Variants in GRIA4 observed in about 807,000 individuals in gnomAD.
GRIA4 encodes the protein glutamate receptor 4.
Under a neutral mutation model 104.0 loss-of-function variants are expected in GRIA4, and 34 were observed. The observed-to-expected ratio is 0.33, with a 90% confidence interval of 0.25 to 0.44. The LOEUF (loss-of-function observed/expected upper bound fraction) is 0.44, where lower values mean the gene tolerates loss of function less well. Among genes scored for constraint, GRIA4 ranks in the 20% least tolerant of loss-of-function variants. The probability of loss-of-function intolerance (pLI) is 1.00; values close to 1 mark genes in which losing one functional copy is unlikely to be tolerated. For synonymous variants in GRIA4, 386 were observed against 381.9 expected (o/e 1.01, Z -0.13); for missense variants, 750 against 1,096.5 (o/e 0.68, Z 4.46).
intron 10 of GRIA4, chr11:105,911,925 T>A: frequency 6.4e-7 from 1 of 1,553,046 alleles, no homozygotes; most frequent in Non-Finnish European, 8.8e-7. Context: ...AAGAAAAGAG[T>A]TCCGCGCTGT....
At chr11:105,866,911 T>G (rs1019018961) in intron 5 of GRIA4, among the ~76,000 whole-genome samples, 2 of 152,070 alleles carry the variant, frequency 1.3e-5, no homozygotes, top group African/African-American at 4.8e-5. Context: ...CAGGAAAAGA[T>G]AGTAAGGACT....
At chr11:105,974,866 C>T (rs1053048101) in intron 16 of GRIA4, 1 of 207,444 alleles carries the variant, frequency 4.8e-6, no homozygotes, top group African/African-American at 2.3e-5. Context: ...GGCTTCCTTG[C>T]ACATAGACTG....
chr11:105,901,112 A>G (rs1946839615), intron 7 of GRIA4, among the ~76,000 whole-genome samples: 1 of 152,110 alleles, frequency 6.6e-6, no homozygotes, highest in Non-Finnish European at 1.5e-5. Flanking sequence ...TCAAATACTC[A>G]TCTTTGTAGT....
intron 4 of GRIA4, among the ~76,000 whole-genome samples, chr11:105,778,311 G>C (rs1941543419): frequency 6.6e-6 from 1 of 152,146 alleles, no homozygotes; most frequent in African/African-American, 2.4e-5. Context: ...TGGACAGTCA[G>C]GGAAGGGGAT....
At chr11:105,627,930 AT>A (rs1950929231) in intron 3 of GRIA4, among the ~76,000 whole-genome samples, 2 of 152,230 alleles carry the variant, frequency 1.3e-5, no homozygotes, top group South Asian at 4.1e-4. Context: ...TAATTATTTA[AT>A]TTAGTTGGCA....
intron 4 of GRIA4, among the ~76,000 whole-genome samples, chr11:105,774,463 A>G (rs1466137440): frequency 2.0e-5 from 3 of 152,094 alleles, no homozygotes; most frequent in Non-Finnish European, 4.4e-5. Flanking sequence ...AGGAATAGGG[A>G]AAAATGTATA....
chr11:105,941,780 A>G (rs1382541331), intron 14 of GRIA4, among the ~76,000 whole-genome samples: 1 of 152,130 alleles, frequency 6.6e-6, no homozygotes, highest in Non-Finnish European at 1.5e-5. Flanking sequence ...TTGCTTCACT[A>G]CACAGAGGCC....
chr11:105,834,710 G>T (rs1286538945), intron 4 of GRIA4, among the ~76,000 whole-genome samples: 2 of 124,082 alleles, frequency 1.6e-5, no homozygotes, highest in Admixed American at 8.9e-5. Flanking sequence ...GCTACAAAAA[G>T]ACTTTTTTTT....
At chr11:105,728,296 A>G (rs1338692440) in intron 3 of GRIA4, among the ~76,000 whole-genome samples, 2 of 152,250 alleles carry the variant, frequency 1.3e-5, no homozygotes, top group Admixed American at 6.5e-5. Flanking sequence ...CATAATGGTA[A>G]AGGGATCAAT....
chr11:105,882,819 A>G (rs756734576), intron 5 of GRIA4, among the ~76,000 whole-genome samples: 18 of 152,226 alleles, frequency 1.2e-4, no homozygotes, highest in Non-Finnish European at 1.6e-4. Context: ...TTGTTGAACT[A>G]AATTGAACTG....
At chr11:105,805,936 A>T (rs1464554831) in intron 4 of GRIA4, among the ~76,000 whole-genome samples, 2 of 151,876 alleles carry the variant, frequency 1.3e-5, no homozygotes, top group Non-Finnish European at 2.9e-5. Flanking sequence ...ATTTAGAAGA[A>T]AATATAATTA....
intron 4 of GRIA4, among the ~76,000 whole-genome samples, chr11:105,812,926 C>T (rs1192778365): frequency 1.3e-5 from 2 of 151,602 alleles, no homozygotes; most frequent in Non-Finnish European, 2.9e-5. Flanking sequence ...ATGGTGAAAC[C>T]CCGTCTCTAC....
chr11:105,743,837 C>T (rs1939481441), intron 3 of GRIA4, among the ~76,000 whole-genome samples: 1 of 151,536 alleles, frequency 6.6e-6, no homozygotes, highest in South Asian at 2.1e-4. Flanking sequence ...GTCTTCTTCT[C>T]CTCCCTCTTC....
chr11:105,976,988 T>C (rs1270866495), intron 16 of GRIA4, among the ~76,000 whole-genome samples: 1 of 151,992 alleles, frequency 6.6e-6, no homozygotes, highest in Non-Finnish European at 1.5e-5. Context: ...GGAGGGTGTA[T>C]TTGAGATTAT....
intron 11 of GRIA4, among the ~76,000 whole-genome samples, chr11:105,923,595 G>A (rs1947626619): frequency 6.6e-6 from 1 of 152,044 alleles, no homozygotes; most frequent in Non-Finnish European, 1.5e-5. Context: ...TCACAATAAC[G>A]TTATGAGGTA....
chr11:105,884,797 TGAATG>T (rs1367224005), intron 5 of GRIA4, among the ~76,000 whole-genome samples: 3 of 152,230 alleles, frequency 2.0e-5, no homozygotes, highest in Non-Finnish European at 4.4e-5. Context: ...TAAACAATCT[TGAATG>T]GACAATGAGT....
chr11:105,900,821 C>T (rs560498051), intron 7 of GRIA4, among the ~76,000 whole-genome samples: 19 of 152,236 alleles, frequency 1.2e-4, no homozygotes, highest in African/African-American at 3.9e-4. Flanking sequence ...AGCTCCTGGC[C>T]TCAAGTGATC....
chr11:105,859,701 G>T (rs192412934), intron 4 of GRIA4, among the ~76,000 whole-genome samples: 1 of 152,042 alleles, frequency 6.6e-6, no homozygotes, highest in Admixed American at 6.6e-5. Context: ...TGTGGGGGCC[G>T]TTTTTATTAT....
chr11:105,952,307 G>C (rs1024352529), intron 14 of GRIA4, among the ~76,000 whole-genome samples: 3 of 152,088 alleles, frequency 2.0e-5, no homozygotes, highest in African/African-American at 7.2e-5. Context: ...TCCTGAGAAA[G>C]TATTTGTACT....
Sources: gnomAD v4.1 joint callset for allele counts (sites outside exome capture counted in the v4.1 genomes callset) on GRCh38, gnomAD v4.1.1 for gene constraint, MANE v1.5 for transcripts, NCBI Gene and HGNC (gene_info 2026-07-23, HGNC 2026-07-21) for gene names.